The following CSMD1 variants were observed in gnomAD, a reference collection of about 807,000 sequenced individuals.
The protein encoded by CSMD1 is CUB and sushi domain-containing protein 1.
CSMD1 carries 213 observed loss-of-function variants against 417.5 expected under a neutral mutation model. The ratio of observed to expected loss-of-function variants is 0.51; its 90% CI spans 0.46 to 0.57. The LOEUF is 0.57. CSMD1 is among the 20% of genes least tolerant of loss of function. CSMD1 has a pLI of 0.00. For synonymous variants in CSMD1, 2,862 were observed against 1,736.8 expected (o/e 1.65, Z -16.11); for missense variants, 6,923 against 4,529.7 (o/e 1.53, Z -15.17).
At chr8:3,569,616 G>A (rs1368540072) in intron 10 of CSMD1, among the ~76,000 whole-genome samples, 1 of 152,144 alleles carries the variant, frequency 6.6e-6, no homozygotes, top group Admixed American at 6.5e-5. Context: ...AAGAGTCATT[G>A]CATGGAAACT....
At chr8:3,804,398 CATTA>C (rs1800618782) in intron 5 of CSMD1, among the ~76,000 whole-genome samples, 2 of 152,158 alleles carry the variant, frequency 1.3e-5, no homozygotes, top group South Asian at 4.2e-4. Flanking sequence ...ATAAAAAATA[CATTA>C]ATTAAATTTT....
chr8:3,063,786 G>A (rs1233934094), intron 49 of CSMD1, among the ~76,000 whole-genome samples: 1 of 152,150 alleles, frequency 6.6e-6, no homozygotes, highest in African/African-American at 2.4e-5. Context: ...TGAATTCAGA[G>A]AGACAAAGTA....
rs180978006 is a variant in CSMD1 at position 4,702,315 on chromosome 8, G to C, written c.86-64757C>G. ...TTGCTTCTGAGACCTGCATGGCCAT[G>C]GGCCTCTGACTGGATTAGGAATCTT... On this transcript the variant is annotated intron_variant, in intron 1 of 69. Transcript: ENST00000635120. 6.5e-3 allele frequency among the ~76,000 whole-genome samples: 991 copies of C among 152,236 alleles called. 9 individuals are homozygous for C. Among genetic ancestry groups the C allele is most frequent in the Middle Eastern group, 0.027 (8 of 294 alleles).
At chr8:3,042,902 C>T (rs1471322204) in intron 50 of CSMD1, among the ~76,000 whole-genome samples, 1 of 151,812 alleles carries the variant, frequency 6.6e-6, no homozygotes, top group South Asian at 2.1e-4. Flanking sequence ...TGGAAACCTA[C>T]AGTACAAGGT....
intron 7 of CSMD1, among the ~76,000 whole-genome samples, chr8:3,684,353 G>A (rs941709663): frequency 7.0e-6 from 1 of 143,396 alleles, no homozygotes. Context: ...AAACATACAA[G>A]CATGTTGTAT....
intron 54 of CSMD1, among the ~76,000 whole-genome samples, chr8:2,985,969 G>C (rs954949014): frequency 6.9e-6 from 1 of 144,812 alleles, no homozygotes; most frequent in Non-Finnish European, 1.5e-5. Flanking sequence ...GAAGGGGAAG[G>C]GGAAGGGAAA....
At chr8:4,539,948 A>T (rs993555568) in intron 2 of CSMD1, among the ~76,000 whole-genome samples, 1 of 151,990 alleles carries the variant, frequency 6.6e-6, no homozygotes, top group Non-Finnish European at 1.5e-5. Context: ...CCCAGCCCAA[A>T]CTCCGCCCCG....
chr8:4,506,056 T>G (rs534256860), intron 2 of CSMD1, among the ~76,000 whole-genome samples: 36 of 152,188 alleles, frequency 2.4e-4, no homozygotes, highest in African/African-American at 8.2e-4. Context: ...ATCTAACATG[T>G]AAAGCAATCA....
intron 3 of CSMD1, among the ~76,000 whole-genome samples, chr8:4,318,968 G>A (rs1281665752): frequency 1.3e-5 from 2 of 152,094 alleles, no homozygotes; most frequent in Non-Finnish European, 2.9e-5. Flanking sequence ...GCACAATAAT[G>A]ACAATCTATC....
chr8:3,475,358 AAATC>A (rs777945621), intron 11 of CSMD1, among the ~76,000 whole-genome samples: 83 of 152,170 alleles, frequency 5.5e-4, no homozygotes, highest in Non-Finnish European at 1.1e-3. Context: ...TTTTTAAAAT[AAATC>A]AATAAATAAA....
intron 1 of CSMD1, among the ~76,000 whole-genome samples, chr8:4,701,138 T>A (rs1807509285): frequency 6.6e-6 from 1 of 151,940 alleles, no homozygotes; most frequent in Non-Finnish European, 1.5e-5. Flanking sequence ...AAATTCGTTT[T>A]TTACACAAAG....
intron 5 of CSMD1, among the ~76,000 whole-genome samples, chr8:3,807,352 G>A (rs1253226029): frequency 6.6e-6 from 1 of 152,132 alleles, no homozygotes; most frequent in Non-Finnish European, 1.5e-5. Context: ...GTAATAGAAA[G>A]TGATTAATCT....
At chr8:4,369,322 A>G (rs1256694705) in intron 3 of CSMD1, among the ~76,000 whole-genome samples, 2 of 151,618 alleles carry the variant, frequency 1.3e-5, no homozygotes, top group East Asian at 3.9e-4. Flanking sequence ...TATGAATTGA[A>G]TTTTTTTTTA....
intron 50 of CSMD1, among the ~76,000 whole-genome samples, chr8:3,038,346 C>G (rs972111555): frequency 6.6e-6 from 1 of 152,172 alleles, no homozygotes; most frequent in Non-Finnish European, 1.5e-5. Flanking sequence ...TGAGTCTAAT[C>G]CAACCCCTGG....
At chr8:3,983,475 A>T (rs913194796) in intron 5 of CSMD1, among the ~76,000 whole-genome samples, 5 of 152,134 alleles carry the variant, frequency 3.3e-5, no homozygotes, top group Admixed American at 2.0e-4. Flanking sequence ...CAGGGTAGAT[A>T]TCAAGTCATG....
At chr8:4,677,556 T>G (rs950037337) in intron 1 of CSMD1, among the ~76,000 whole-genome samples, 1 of 152,332 alleles carries the variant, frequency 6.6e-6, no homozygotes, top group Middle Eastern at 3.4e-3. Flanking sequence ...ACATCAAGAA[T>G]ACTCACTTTG....
intron 4 of CSMD1, among the ~76,000 whole-genome samples, chr8:4,023,765 T>A (rs1257956555): frequency 1.8e-5 from 2 of 110,802 alleles, no homozygotes; most frequent in African/African-American, 6.2e-5. Flanking sequence ...TTTTTTTTTT[T>A]TTTTTTTTTT....
At chr8:3,192,304 G>A (rs1269768748) in intron 33 of CSMD1, among the ~76,000 whole-genome samples, 1 of 152,144 alleles carries the variant, frequency 6.6e-6, no homozygotes, top group Non-Finnish European at 1.5e-5. Context: ...AACGTTTGGT[G>A]TTTCAGGTTT....
chr8:3,359,126 T>G, intron 21 of CSMD1, 26 bp downstream of exon 21: 1 of 1,612,124 alleles, frequency 6.2e-7, no homozygotes, highest in Non-Finnish European at 8.5e-7. Flanking sequence ...CATGGATGAA[T>G]GAAATGAAAG....
Sources: allele counts gnomAD v4.1 joint callset (sites outside exome capture counted in the v4.1 genomes callset), GRCh38; gene constraint gnomAD v4.1.1; transcripts MANE v1.5; gene names NCBI Gene and HGNC (gene_info 2026-07-23, HGNC 2026-07-21).